Variants in TAFA1 observed in about 807,000 individuals in gnomAD.
The protein encoded by TAFA1 is chemokine-like protein TAFA-1.
A neutral mutation model predicts 18.5 loss-of-function variants in TAFA1; 4 were observed. The ratio of observed to expected loss-of-function variants is 0.22; its 90% confidence interval spans 0.11 to 0.49. TAFA1 has a LOEUF of 0.49. Among genes scored for constraint, TAFA1 ranks in the 20% least tolerant of loss-of-function variants. The pLI, the probability that TAFA1 is intolerant of heterozygous loss-of-function variation, is 0.98. For missense variants in TAFA1, 147 were observed against 169.0 expected, an observed-to-expected ratio of 0.87 and a Z score of 0.72; for synonymous variants, 56 against 55.2, an observed-to-expected ratio of 1.01 and a Z score of -0.06.
At chr3:68,103,454 G>T (rs980412626) in intron 2 of TAFA1, among the ~76,000 whole-genome samples, 2 of 152,098 alleles carry the variant, frequency 1.3e-5, no homozygotes, top group East Asian at 1.9e-4. Flanking sequence ...GTTAAAATAT[G>T]AATAATTATT....
intron 2 of TAFA1, among the ~76,000 whole-genome samples, chr3:68,386,115 T>C (rs773140921): frequency 1.3e-5 from 2 of 152,154 alleles, no homozygotes; most frequent in Non-Finnish European, 2.9e-5. Flanking sequence ...TGACTTGCTA[T>C]GAACAAGACA....
rs140879742 is a variant in TAFA1, at chr3:68,399,371, C to A, written c.119-17909C>A. On this transcript the variant is annotated intron_variant, in intron 2 of 4. Transcript: ENST00000478136. Reference sequence around the variant, plus strand: ...TAATATTTTGCCAATTATTTCATTTCTCTGTTATTTGGGATTTCTTTACAA... The same window carrying A: ...TAATATTTTGCCAATTATTTCATTTATCTGTTATTTGGGATTTCTTTACAA... Among the ~76,000 whole-genome samples the A allele has an allele frequency of 2.3e-3, 353 of 152,232 alleles. 2 individuals are homozygous for A. The highest frequency in any genetic ancestry group is 8.2e-3 in the African/African-American group (342 of 41,540).
rs2065254316 is a variant in TAFA1, at chr3:68,110,835, AC to A, written c.118+104092del. ...ATAGTGCTTGGAAAATGAAAAAAAA[AC>A]TTGGAGTCCAGAGCCTACCATTGGT... On this transcript the variant is annotated intron_variant, in intron 2 of 4. Coordinates refer to ENST00000478136, the MANE Select transcript of TAFA1 (RefSeq NM_213609.4). Among the ~76,000 whole-genome samples, 3 of 152,092 alleles carry A rather than the reference AC, an allele frequency of 2.0e-5. No homozygotes were observed. In the South Asian group the frequency reaches 6.2e-4, roughly 32 times the overall value.
chr3:68,003,844 C>T (rs1704314389), upstream of TAFA1, among the ~76,000 whole-genome samples: 1 of 152,130 alleles, frequency 6.6e-6, no homozygotes, highest in African/African-American at 2.4e-5. Flanking sequence ...ATGTCCTATT[C>T]CAGGTAAATT....
Position 68,417,431 on chromosome 3 carries a change from G to C in TAFA1, c.259+11G>C, listed in dbSNP as rs1036501199. On this transcript the variant is annotated intron_variant, in intron 3 of 4. Transcript: ENST00000478136. Reference sequence around the variant, plus strand: ...CTTCTTGCGTCGATGGTAGGTACCTGGTTTTACCTCTTGAAAAGCTCACAT... The same window carrying C: ...CTTCTTGCGTCGATGGTAGGTACCTCGTTTTACCTCTTGAAAAGCTCACAT... 33 of 1,612,816 alleles carry C rather than the reference G, an allele frequency of 2.0e-5. No individual in the cohort carries two copies. The highest frequency in any genetic ancestry group is 2.8e-5 in the Non-Finnish European group (33 of 1,179,398).
chr3:68,388,122 A>G (rs1206705057), intron 2 of TAFA1, among the ~76,000 whole-genome samples: 1 of 152,158 alleles, frequency 6.6e-6, no homozygotes, highest in Non-Finnish European at 1.5e-5. Context: ...TCTTGTTTTA[A>G]CTAACATTAG....
intron 2 of TAFA1, among the ~76,000 whole-genome samples, chr3:68,360,005 C>G (rs262235): frequency 0.6 from 91,090 of 151,716 alleles, 28,238 homozygotes; most frequent in East Asian, 1. Context: ...CATTCTGTTA[C>G]TGTATGTTTT....
At chr3:68,191,787 A>G (rs924406311) in intron 2 of TAFA1, among the ~76,000 whole-genome samples, 7 of 151,846 alleles carry the variant, frequency 4.6e-5, no homozygotes, top group Admixed American at 1.3e-4. Flanking sequence ...CATAAGCCAC[A>G]TGATAATGGG....
rs550071309 is a variant in TAFA1, at chr3:68,408,090, A to C, written c.119-9190A>C. Among the ~76,000 whole-genome samples the C allele has an allele frequency of 2.0e-5, 3 of 152,222 alleles. No individual in the cohort carries two copies. The South Asian group carries it at 6.2e-4, about 32-fold the overall frequency. ...GCTACTTATACAACCCTGATCAAAAAGTCCTGTAAAAGTGACTCTGAAAAA... is the reference window on the plus strand; with the variant it reads ...GCTACTTATACAACCCTGATCAAAACGTCCTGTAAAAGTGACTCTGAAAAA... On this transcript the variant is annotated intron_variant, in intron 2 of 4. Coordinates refer to ENST00000478136, the MANE Select transcript of TAFA1 (RefSeq NM_213609.4).
At chr3:68,204,130 C>T (rs1260225879) in intron 2 of TAFA1, among the ~76,000 whole-genome samples, 1 of 151,724 alleles carries the variant, frequency 6.6e-6, no homozygotes, top group African/African-American at 2.4e-5. Context: ...CTTTCCAATT[C>T]TGGGGACAGG....
chr3:68,301,787 G>A (rs1039845807), intron 2 of TAFA1, among the ~76,000 whole-genome samples: 2 of 152,224 alleles, frequency 1.3e-5, no homozygotes, highest in South Asian at 4.1e-4. Flanking sequence ...TGGTGCTTAT[G>A]TGGGAAAGCA....
intron 2 of TAFA1, among the ~76,000 whole-genome samples, chr3:68,060,811 A>T (rs1473343513): frequency 6.6e-6 from 1 of 152,128 alleles, no homozygotes; most frequent in East Asian, 1.9e-4. Flanking sequence ...TTCTTCTTTA[A>T]ATGGGCTCAT....
chr3:68,443,762 T>C (rs2071427915), intron 3 of TAFA1, among the ~76,000 whole-genome samples: 1 of 152,174 alleles, frequency 6.6e-6, no homozygotes, highest in Non-Finnish European at 1.5e-5. Context: ...CATATCAAGA[T>C]GATATTTGGG....
intron 3 of TAFA1, among the ~76,000 whole-genome samples, chr3:68,468,449 A>C (rs1166830960): frequency 2.0e-5 from 3 of 152,176 alleles, no homozygotes; most frequent in African/African-American, 7.2e-5. Flanking sequence ...TGTATTTGTG[A>C]GACGTGAACC....
At chr3:68,005,874 T>A (rs192146975) in intron 1 of TAFA1, among the ~76,000 whole-genome samples, 44 of 152,324 alleles carry the variant, frequency 2.9e-4, no homozygotes, top group Admixed American at 1.3e-3. Context: ...CTGTCAAAGT[T>A]TCAGCACCCG....
At chr3:68,396,551 G>T (rs978003039) in intron 2 of TAFA1, among the ~76,000 whole-genome samples, 1 of 152,156 alleles carries the variant, frequency 6.6e-6, no homozygotes, top group African/African-American at 2.4e-5. Context: ...GCAGTAGATG[G>T]TTCCTTCTCA....
At chr3:68,502,241 C>T (rs2072670207) in intron 3 of TAFA1, among the ~76,000 whole-genome samples, 1 of 152,100 alleles carries the variant, frequency 6.6e-6, no homozygotes, top group Non-Finnish European at 1.5e-5. Flanking sequence ...ACTTAATCTT[C>T]ATAGCAACCC....
chr3:68,275,222 G>A (rs1181802777), intron 2 of TAFA1, among the ~76,000 whole-genome samples: 2 of 152,018 alleles, frequency 1.3e-5, no homozygotes, highest in Non-Finnish European at 2.9e-5. Context: ...AAAAGAGGAG[G>A]TAAGCAAAAT....
intron 2 of TAFA1, among the ~76,000 whole-genome samples, chr3:68,376,457 C>G (rs1385710176): frequency 6.6e-6 from 1 of 152,034 alleles, no homozygotes; most frequent in African/African-American, 2.4e-5. Context: ...CTCATTGTGT[C>G]CATGTGTTCT....
Sources: allele counts gnomAD v4.1 joint callset (sites outside exome capture counted in the v4.1 genomes callset), GRCh38; gene constraint gnomAD v4.1.1; transcripts MANE v1.5; gene names NCBI Gene and HGNC (gene_info 2026-07-23, HGNC 2026-07-21).